The following ARHGAP29 variants were observed in gnomAD, a reference collection of about 807,000 sequenced individuals.
ARHGAP29 encodes Rho GTPase activating protein 29.
ARHGAP29 carries 43 observed loss-of-function variants against 122.6 expected under a neutral mutation model. The observed-to-expected ratio is 0.35, with a 90% CI of 0.27 to 0.45. ARHGAP29 has a LOEUF of 0.45. ARHGAP29 is among the 20% of genes least tolerant of loss of function. The pLI, the probability that ARHGAP29 is intolerant of heterozygous loss-of-function variation, is 1.00. For missense variants in ARHGAP29, 1,303 were observed against 1,477.2 expected (o/e 0.88, Z 1.93); for synonymous variants, 506 against 497.1 (o/e 1.02, Z -0.24).
At chr1:94,185,521 GA>G (rs773781353) in intron 16 of ARHGAP29, 40 bp from the exon 17 acceptor site, 2 of 1,503,894 alleles carry the variant, frequency 1.3e-6, no homozygotes, top group Admixed American at 2.0e-5. Flanking sequence ...TAAAATGATA[GA>G]AAAATTATAC....
chr1:94,295,798 T>TGTGGAATCTTCTAATTCCACACAATG, the ARHGAP29 span, among the ~76,000 whole-genome samples: 148 of 10,308 alleles, frequency 0.014, no homozygotes, highest in South Asian at 0.034. Context: ...TAATTCCACA[T>TGTGGAATCTTCTAATTCCACACAATG]TGGGGTATTT....
rs1302351289 is a variant in ARHGAP29 at position 94,260,308 on chromosome 1, T to C, written c.-33+14704A>G. On this transcript the variant is annotated intron_variant and NMD_transcript_variant, in intron 1 of 25. Coordinates refer to the ARHGAP29 transcript ENST00000552844. The stretch of plus-strand genomic sequence containing the variant: ...CAGCTTTCGTTTCTCTAAAGACAGA[T>C]CCCTTCCTTTCTCTTACCCCCAGAG... Among the ~76,000 whole-genome samples, 3 of 152,180 alleles carry C rather than the reference T, an allele frequency of 2.0e-5. No homozygotes were observed. In the East Asian group the frequency reaches 5.8e-4, roughly 29 times the overall value.
chr1:94,223,975 T>A (rs1652473796), intron 2 of ARHGAP29, among the ~76,000 whole-genome samples: 1 of 151,820 alleles, frequency 6.6e-6, no homozygotes, highest in African/African-American at 2.4e-5. Flanking sequence ...ACCTGGCTGA[T>A]TTTTTTTGTA....
chr1:94,289,705 CT>C, the ARHGAP29 span, among the ~76,000 whole-genome samples: 1 of 152,108 alleles, frequency 6.6e-6, no homozygotes, highest in African/African-American at 2.4e-5. Flanking sequence ...GCATGAAAGG[CT>C]GTTGAATTTT....
chr1:94,191,577 G>C (rs1650133621), intron 12 of ARHGAP29: 1 of 152,178 alleles, frequency 6.6e-6, no homozygotes, highest in African/African-American at 2.4e-5. Context: ...GGCTATGTTA[G>C]AGCATTCTCC....
intron 2 of ARHGAP29, among the ~76,000 whole-genome samples, chr1:94,221,865 A>G (rs1033713623): frequency 3.3e-5 from 5 of 151,766 alleles, no homozygotes; most frequent in African/African-American, 9.7e-5. Flanking sequence ...CTATTCTCCA[A>G]TGAAAGTAAT....
chr1:94,272,176 T>C (rs928195949), intron 1 of ARHGAP29, among the ~76,000 whole-genome samples: 3 of 152,112 alleles, frequency 2.0e-5, no homozygotes, highest in African/African-American at 7.2e-5. Context: ...CCAACGCCTG[T>C]TGAAGTAAAG....
At position 94,242,753 on chromosome 1, in the gene ARHGAP29, A is replaced by G. The variant is rs544768494; in HGVS notation, c.-32-11110T>C. Among the ~76,000 whole-genome samples the G allele has an allele frequency of 9.9e-5, 15 of 152,152 alleles. No individual in the cohort carries two copies. The East Asian group carries it at 2.5e-3, about 25-fold the overall frequency. On this transcript the variant is annotated intron_variant and NMD_transcript_variant, in intron 1 of 25. Coordinates refer to the ARHGAP29 transcript ENST00000552844. The stretch of plus-strand genomic sequence containing the variant: ...AAATATAAATAATATAAACAGCCCA[A>G]TAAAAAGGCAGAGATTCTCAGAGTG...
rs1570530957 is a variant in ARHGAP29, at chr1:94,202,917, C to T, written c.954+1G>A. Reference sequence around the variant, plus strand: ...ACATGAAACTCCATTTTAATACTAACCATTTTATTTTGCTCCTGTTTCCAA... The same window carrying T: ...ACATGAAACTCCATTTTAATACTAATCATTTTATTTTGCTCCTGTTTCCAA... On this transcript the variant is annotated splice_donor_variant, in intron 10 of 22. Transcript: ENST00000260526. LOFTEE classifies it high-confidence loss of function. 6.3e-7 allele frequency: 1 copy of T among 1,598,532 alleles called. No homozygotes were observed. Among genetic ancestry groups the T allele is most frequent in the Non-Finnish European group, 8.5e-7 (1 of 1,174,838 alleles).
chr1:94,182,462 C>T (rs1649536786), intron 19 of ARHGAP29, among the ~76,000 whole-genome samples: 1 of 151,828 alleles, frequency 6.6e-6, no homozygotes, highest in Non-Finnish European at 1.5e-5. Flanking sequence ...TATGGAGTGC[C>T]CTGAATAGTG....
At chr1:94,203,755 T>C (rs1344160217) in intron 8 of ARHGAP29, among the ~76,000 whole-genome samples, 175 bp downstream of exon 8, 1 of 152,070 alleles carries the variant, frequency 6.6e-6, no homozygotes, top group Non-Finnish European at 1.5e-5. Flanking sequence ...AAAAAGCGTA[T>C]TTCCTAGATT....
intron 1 of ARHGAP29, among the ~76,000 whole-genome samples, chr1:94,269,041 AT>A (rs1018955688): frequency 2.0e-5 from 3 of 152,100 alleles, no homozygotes; most frequent in African/African-American, 7.2e-5. Flanking sequence ...ACAGCATAGT[AT>A]TTTTTTCCTC....
intron 2 of ARHGAP29, among the ~76,000 whole-genome samples, chr1:94,226,444 C>T (rs1323853402): frequency 2.0e-5 from 3 of 151,568 alleles, no homozygotes; most frequent in African/African-American, 7.3e-5. Context: ...AATAACTTGC[C>T]CAGGGCTACA....
At chr1:94,202,845 G>A in intron 10 of ARHGAP29, 73 bp downstream of exon 10, 4 of 1,538,366 alleles carry the variant, frequency 2.6e-6, no homozygotes, top group Non-Finnish European at 3.5e-6. Flanking sequence ...TGAGAGCAAG[G>A]AAGGTCAGTA....
chr1:94,249,743 C>A (rs1654007606), intron 1 of ARHGAP29, among the ~76,000 whole-genome samples: 2 of 150,666 alleles, frequency 1.3e-5, no homozygotes, highest in Admixed American at 6.6e-5. Flanking sequence ...AAGAGTGAAA[C>A]TCCATCTCAA....
At chr1:94,237,618 G>GCCGCACCGCCCGC (rs1484367369), upstream of ARHGAP29, 1 of 986,976 alleles carries the variant, frequency 1.0e-6, no homozygotes, top group African/African-American at 1.7e-5. Flanking sequence ...TACCGCCACG[G>GCCGCACCGCCCGC]CCGCACCGCC....
chr1:94,182,073 A>G (rs755849780), intron 19 of ARHGAP29, among the ~76,000 whole-genome samples: 8 of 144,360 alleles, frequency 5.5e-5, no homozygotes, highest in Admixed American at 1.4e-4. Flanking sequence ...TCTATTGGAC[A>G]AGGCTAGAGA....
intron 12 of ARHGAP29, 95 bp from the exon 13 acceptor site, chr1:94,190,178 C>T (rs1297383065): frequency 7.6e-7 from 1 of 1,316,574 alleles, no homozygotes; most frequent in East Asian, 2.5e-5. Flanking sequence ...ATAAAAATGC[C>T]ATACAGTGAA....
Position 94,209,313 on chromosome 1 carries a change from GT to G in ARHGAP29, c.377del (p.Asn126ThrfsTer30). 6.2e-7 allele frequency: 1 copy of G among 1,608,990 alleles called. No individual in the cohort carries two copies. Among genetic ancestry groups the G allele is most frequent in the Non-Finnish European group, 8.5e-7 (1 of 1,178,678 alleles). On this transcript the variant is annotated frameshift_variant, in exon 4 of 23. Coordinates refer to ENST00000260526, the MANE Select transcript of ARHGAP29 (RefSeq NM_004815.4). LOFTEE classifies it high-confidence loss of function. ...AAGAAAACACTTCCTGGAAGAGATC[GT>G]TTTTGTTTTCTTCATTAACTTCTGT... Reference protein sequence around the residue: ...NFTEVNEENKNDLFQEVFSSI... With the variant: ...NFTEVNEENKXDLFQEVFSSI...
Sources: allele counts gnomAD v4.1 joint callset (sites outside exome capture counted in the v4.1 genomes callset), GRCh38; gene constraint gnomAD v4.1.1; transcripts MANE v1.5; gene names NCBI Gene and HGNC (gene_info 2026-07-23, HGNC 2026-07-21).